The following NBAS variants were observed in gnomAD, a reference collection of about 807,000 sequenced individuals.
The protein encoded by NBAS is NBAS subunit of NRZ tethering complex.
Under a neutral mutation model 302.5 loss-of-function variants are expected in NBAS, and 219 were observed. The ratio of observed to expected loss-of-function variants is 0.72; its 90% CI spans 0.65 to 0.81. The LOEUF (loss-of-function observed/expected upper bound fraction) is 0.81, where lower values mean the gene tolerates loss of function less well. NBAS is among the 30% of genes least tolerant of loss of function. NBAS has a pLI of 0.00. For synonymous variants in NBAS, 1,118 were observed against 1,021.6 expected (o/e 1.09, Z -1.80); for missense variants, 2,932 against 2,841.6 (o/e 1.03, Z -0.72).
Position 15,173,445 on chromosome 2 carries a change from G to A in NBAS, c.6840+5543C>T, listed in dbSNP as rs757220436. Among the ~76,000 whole-genome samples, 144 of 152,082 alleles carry A rather than the reference G, an allele frequency of 9.5e-4. 1 individual carries two copies. The highest frequency in any genetic ancestry group is 2.2e-4 in the Non-Finnish European group (15 of 68,002). On this transcript the variant is annotated intron_variant, in intron 51 of 51. Transcript: ENST00000281513. ...TAATACTATTTCACTGTTTACTTTA[G>A]GGAAACATATTTGTCTTGTTCTCAT...
the NBAS span, among the ~76,000 whole-genome samples, chr2:15,108,119 C>A: frequency 6.6e-6 from 1 of 152,072 alleles, no homozygotes. Context: ...CCAGTTAGGG[C>A]TATTAGCAAT....
intron 27 of NBAS, 28 bp downstream of exon 27, chr2:15,396,385 G>GCAA: frequency 7.7e-7 from 1 of 1,302,968 alleles, no homozygotes; most frequent in African/African-American, 1.5e-5. Flanking sequence ...TAAGCATGGA[G>GCAA]AAAAAAAAAA....
chr2:15,383,157 A>G (rs1675122262), intron 29 of NBAS, 58 bp downstream of exon 29: 3 of 1,399,804 alleles, frequency 2.1e-6, no homozygotes, highest in Non-Finnish European at 3.0e-6. Context: ...GTATCCAATA[A>G]ACCATAACAA....
chr2:15,466,936 C>CAG (rs1553319446), intron 19 of NBAS, among the ~76,000 whole-genome samples: 1 of 133,162 alleles, frequency 7.5e-6, no homozygotes, highest in African/African-American at 2.8e-5. Context: ...GATCCTATCT[C>CAG]AAAAAAAAAA....
the NBAS span, among the ~76,000 whole-genome samples, chr2:14,804,382 T>C: frequency 2.6e-5 from 4 of 152,334 alleles, no homozygotes; most frequent in South Asian, 6.2e-4. Context: ...GGATATGCTT[T>C]ATGGAGAAAA....
the NBAS span, among the ~76,000 whole-genome samples, chr2:14,969,821 G>T: frequency 3.3e-5 from 5 of 152,114 alleles, no homozygotes; most frequent in Admixed American, 3.3e-4. Context: ...CTTCAAATAG[G>T]TCCCAGTGAT....
chr2:14,929,095 T>C, the NBAS span, among the ~76,000 whole-genome samples: 1 of 152,200 alleles, frequency 6.6e-6, no homozygotes, highest in Non-Finnish European at 1.5e-5. Flanking sequence ...GAGTGGCTAC[T>C]TCAGAATCAA....
At position 15,247,409 on chromosome 2, in the gene NBAS, GCTAAA is replaced by G. The variant is rs533729877; in HGVS notation, c.5725-8728_5725-8724del. Reference sequence around the variant, plus strand: ...CAATATTAACCTTAAATGTAAACAGGCTAAATGCCCCAATTAAATGACACAGACTG... The same window carrying G: ...CAATATTAACCTTAAATGTAAACAGGTGCCCCAATTAAATGACACAGACTG... On this transcript the variant is annotated intron_variant, in intron 44 of 51. Transcript: ENST00000281513. 7.9e-5 allele frequency among the ~76,000 whole-genome samples: 12 copies of G among 152,216 alleles called. No homozygotes were observed. The South Asian group carries it at 1.5e-3, about 18-fold the overall frequency.
intron 39 of NBAS, among the ~76,000 whole-genome samples, chr2:15,308,695 T>A (rs1295484241): frequency 1.3e-5 from 2 of 152,178 alleles, no homozygotes; most frequent in Non-Finnish European, 2.9e-5. Flanking sequence ...TCCAACACTA[T>A]GTTGAATAGG....
chr2:15,343,217 T>G (rs1672939147), intron 35 of NBAS, among the ~76,000 whole-genome samples: 1 of 152,154 alleles, frequency 6.6e-6, no homozygotes, highest in African/African-American at 2.4e-5. Context: ...ATCCCTTCAC[T>G]GGCTCCATGT....
chr2:15,236,812 A>G (rs1393622669), intron 45 of NBAS, among the ~76,000 whole-genome samples: 1 of 152,112 alleles, frequency 6.6e-6, no homozygotes, highest in African/African-American at 2.4e-5. Context: ...AAAGCCTTCT[A>G]TATTGTTCAT....
At chr2:14,864,477 C>T in the NBAS span, among the ~76,000 whole-genome samples, 1 of 152,120 alleles carries the variant, frequency 6.6e-6, no homozygotes, top group East Asian at 1.9e-4. Flanking sequence ...GTCCCATTCT[C>T]CCATTTCTAA....
chr2:15,544,546 C>A (rs567410596), intron 6 of NBAS, among the ~76,000 whole-genome samples: 1 of 152,182 alleles, frequency 6.6e-6, no homozygotes, highest in South Asian at 2.1e-4. Context: ...GCTTAATGAA[C>A]TTAAAGCAGG....
chr2:15,354,184 C>T (rs1673504922), intron 33 of NBAS, among the ~76,000 whole-genome samples: 1 of 152,134 alleles, frequency 6.6e-6, no homozygotes, highest in Admixed American at 6.6e-5. Flanking sequence ...TATTTAAAAG[C>T]ACATGTAAAC....
intron 31 of NBAS, among the ~76,000 whole-genome samples, chr2:15,367,023 C>G (rs1430206041): frequency 6.6e-6 from 1 of 152,110 alleles, no homozygotes; most frequent in Middle Eastern, 3.2e-3. Context: ...GTATTTGTCT[C>G]TAAAAACTTC....
chr2:14,849,098 G>A, the NBAS span, among the ~76,000 whole-genome samples: 1 of 148,712 alleles, frequency 6.7e-6, no homozygotes, highest in Non-Finnish European at 1.5e-5. Context: ...CGAGCTGAGA[G>A]AAGAAGGCTT....
At chr2:15,033,354 T>C in the NBAS span, among the ~76,000 whole-genome samples, 1 of 152,214 alleles carries the variant, frequency 6.6e-6, no homozygotes. Flanking sequence ...TTTCTCCAGA[T>C]TAATCACGCC....
the NBAS span, among the ~76,000 whole-genome samples, chr2:15,132,875 A>G: frequency 6.6e-6 from 1 of 151,898 alleles, no homozygotes; most frequent in South Asian, 2.1e-4. Context: ...AAAAAAAAAA[A>G]CACTAGGAGA....
chr2:15,248,358 C>A (rs1668201523), intron 44 of NBAS, among the ~76,000 whole-genome samples: 1 of 151,966 alleles, frequency 6.6e-6, no homozygotes, highest in Admixed American at 6.6e-5. Context: ...GCAAGAAACA[C>A]CTAAAGTTGA....
Sources: gnomAD v4.1 joint callset for allele counts (sites outside exome capture counted in the v4.1 genomes callset) on GRCh38, gnomAD v4.1.1 for gene constraint, MANE v1.5 for transcripts, NCBI Gene and HGNC (gene_info 2026-07-23, HGNC 2026-07-21) for gene names.